The following NKAIN2 variants were observed in gnomAD, a reference collection of about 807,000 sequenced individuals.
NKAIN2 encodes the protein sodium/potassium transporting ATPase interacting 2.
In NKAIN2, 14 loss-of-function variants were observed where a neutral mutation model predicts 32.6. The observed-to-expected ratio is 0.43, with a 90% CI of 0.28 to 0.67. The LOEUF is 0.67. Ranked by LOEUF, NKAIN2 falls within the 30% of genes least tolerant of loss-of-function variation. The pLI, the probability that NKAIN2 is intolerant of heterozygous loss-of-function variation, is 0.17. For missense variants in NKAIN2, 198 were observed against 258.3 expected (o/e 0.77, Z 1.60); for synonymous variants, 80 against 87.2 (o/e 0.92, Z 0.46).
chr6:124,562,632 C>CA, intron 3 of NKAIN2, among the ~76,000 whole-genome samples: 1 of 151,956 alleles, frequency 6.6e-6, no homozygotes, highest in African/African-American at 2.4e-5. Flanking sequence ...CATTTAAGAA[C>CA]AAAAATAAAC....
chr6:124,766,281 G>A (rs978084337), intron 4 of NKAIN2, among the ~76,000 whole-genome samples: 7 of 152,062 alleles, frequency 4.6e-5, no homozygotes, highest in South Asian at 2.1e-4. Flanking sequence ...TGAGACTGTC[G>A]AGATGAATTC....
intron 1 of NKAIN2, among the ~76,000 whole-genome samples, chr6:124,083,079 C>T (rs1784045789): frequency 6.6e-6 from 1 of 151,510 alleles, no homozygotes; most frequent in Non-Finnish European, 1.5e-5. Context: ...TCCTCATATG[C>T]CTTTTTATGA....
intron 1 of NKAIN2, among the ~76,000 whole-genome samples, chr6:124,188,708 C>A (rs1369244570): frequency 6.6e-6 from 1 of 152,146 alleles, no homozygotes; most frequent in Non-Finnish European, 1.5e-5. Context: ...TTTTCTGAAA[C>A]CCGTTCCCCT....
intron 1 of NKAIN2, among the ~76,000 whole-genome samples, chr6:123,991,705 A>G (rs1248277378): frequency 6.6e-6 from 1 of 152,092 alleles, no homozygotes; most frequent in Non-Finnish European, 1.5e-5. Flanking sequence ...AACTAAAAAT[A>G]CAAAAAATTA....
At chr6:124,097,618 C>T (rs993808148) in intron 1 of NKAIN2, among the ~76,000 whole-genome samples, 2 of 152,154 alleles carry the variant, frequency 1.3e-5, no homozygotes, top group Non-Finnish European at 2.9e-5. Context: ...AGTATAGCTC[C>T]TTAAACCAGA....
At chr6:124,082,664 C>T (rs1430444784) in intron 1 of NKAIN2, among the ~76,000 whole-genome samples, 2 of 151,772 alleles carry the variant, frequency 1.3e-5, no homozygotes, top group African/African-American at 4.8e-5. Context: ...TAATAGAGTT[C>T]TGAGTTTAAA....
chr6:124,455,486 G>A (rs921516464), intron 3 of NKAIN2, among the ~76,000 whole-genome samples: 1 of 152,012 alleles, frequency 6.6e-6, no homozygotes, highest in Non-Finnish European at 1.5e-5. Context: ...TTATACTTCA[G>A]AGAAGCCCTG....
intron 1 of NKAIN2, among the ~76,000 whole-genome samples, chr6:124,064,700 T>G (rs927019407): frequency 5.3e-5 from 8 of 152,170 alleles, no homozygotes; most frequent in African/African-American, 1.9e-4. Flanking sequence ...ATATGAATAA[T>G]ATATAATTAT....
intron 1 of NKAIN2, among the ~76,000 whole-genome samples, chr6:124,246,972 A>G (rs1793441047): frequency 6.6e-6 from 1 of 152,014 alleles, no homozygotes; most frequent in South Asian, 2.1e-4. Flanking sequence ...TACGGGAGCA[A>G]TCCATTTTTT....
chr6:124,623,840 G>C (rs989926735), intron 3 of NKAIN2, among the ~76,000 whole-genome samples: 3 of 152,172 alleles, frequency 2.0e-5, no homozygotes, highest in Admixed American at 6.5e-5. Context: ...GTAGATCTTT[G>C]CAGGTTTTCC....
intron 1 of NKAIN2, among the ~76,000 whole-genome samples, chr6:124,017,388 A>G (rs1780628409): frequency 6.6e-6 from 1 of 152,142 alleles, no homozygotes. Context: ...ATGTGCTCAC[A>G]TTTCAAAACC....
At chr6:124,712,653 G>A (rs1775555766) in intron 4 of NKAIN2, among the ~76,000 whole-genome samples, 1 of 151,444 alleles carries the variant, frequency 6.6e-6, no homozygotes, top group Admixed American at 6.6e-5. Context: ...CCCAAGTGAG[G>A]CAATGCCTGG....
In NKAIN2 at chr6:124,107,617, C is replaced by T. The variant is rs143386985; in HGVS notation, c.55-175388C>T. Among the ~76,000 whole-genome samples the T allele has an allele frequency of 9.6e-3, 1,468 of 152,200 alleles. 93 individuals carry two copies. The highest frequency in any genetic ancestry group is 0.09 in the Admixed American group (1,367 of 15,268). ...AGTACAGTGTTGTTAACTATAGGCA[C>T]AACGTTGCATGCAGATCTCTAGGAC... is the stretch of plus-strand genomic sequence containing the variant. On this transcript the variant is annotated intron_variant, in intron 1 of 6. Transcript: ENST00000368417.
intron 3 of NKAIN2, among the ~76,000 whole-genome samples, chr6:124,547,926 A>T (rs1780153703): frequency 1.3e-5 from 2 of 152,194 alleles, no homozygotes; most frequent in Admixed American, 6.5e-5. Flanking sequence ...GCAAATTTGT[A>T]GCCATTCAGG....
intron 3 of NKAIN2, among the ~76,000 whole-genome samples, chr6:124,425,548 C>G (rs1774945512): frequency 6.6e-6 from 1 of 151,982 alleles, no homozygotes; most frequent in African/African-American, 2.4e-5. Flanking sequence ...AACTCTATAT[C>G]TGATAGGGGT....
At chr6:124,463,195 C>T (rs1314222671) in intron 3 of NKAIN2, among the ~76,000 whole-genome samples, 1 of 151,864 alleles carries the variant, frequency 6.6e-6, no homozygotes, top group South Asian at 2.1e-4. Flanking sequence ...ATTTACCCAA[C>T]AACCTAAGTT....
chr6:124,731,978 A>G (rs1286918207), intron 4 of NKAIN2, among the ~76,000 whole-genome samples: 3 of 152,138 alleles, frequency 2.0e-5, no homozygotes, highest in Non-Finnish European at 2.9e-5. Context: ...TAGAATGAAT[A>G]TAATAAATGG....
chr6:124,403,518 C>T (rs1381709838), intron 3 of NKAIN2, among the ~76,000 whole-genome samples: 2 of 152,104 alleles, frequency 1.3e-5, no homozygotes, highest in African/African-American at 4.8e-5. Context: ...CACATTTAAG[C>T]AGTGAATATA....
intron 3 of NKAIN2, among the ~76,000 whole-genome samples, chr6:124,450,529 G>A (rs996778423): frequency 6.6e-6 from 1 of 151,612 alleles, no homozygotes; most frequent in East Asian, 1.9e-4. Flanking sequence ...AATAATGTAA[G>A]CCTACAGTTA....
Sources: gnomAD v4.1 joint callset for allele counts (sites outside exome capture counted in the v4.1 genomes callset) on GRCh38, gnomAD v4.1.1 for gene constraint, MANE v1.5 for transcripts, NCBI Gene and HGNC (gene_info 2026-07-23, HGNC 2026-07-21) for gene names.